Variants in SPIDR observed in about 807,000 individuals in gnomAD.
SPIDR encodes scaffold protein involved in DNA repair, also known as DNA repair-scaffolding protein.
Under a neutral mutation model 104.6 loss-of-function variants are expected in SPIDR, and 93 were observed. The ratio of observed to expected loss-of-function variants is 0.89; its 90% CI spans 0.75 to 1.06. SPIDR has a LOEUF of 1.06. SPIDR is among the 50% of genes least tolerant of loss of function. The pLI, the probability that SPIDR is intolerant of heterozygous loss-of-function variation, is 0.00. For synonymous variants in SPIDR, 431 were observed against 416.9 expected (o/e 1.03, Z -0.41); for missense variants, 1,154 against 1,111.2 (o/e 1.04, Z -0.55).
intron 8 of SPIDR, among the ~76,000 whole-genome samples, chr8:47,564,685 A>G (rs989024629): frequency 2.0e-5 from 3 of 150,358 alleles, no homozygotes; most frequent in African/African-American, 7.4e-5. Context: ...GTCTCCAAAA[A>G]GAAAAAAAAA....
chr8:47,628,939 T>G (rs1449169489), intron 10 of SPIDR, among the ~76,000 whole-genome samples: 1 of 152,228 alleles, frequency 6.6e-6, no homozygotes, highest in Non-Finnish European at 1.5e-5. Context: ...ATTGAAAATG[T>G]ATCCTCCATT....
chr8:47,424,033 A>G (rs1253984947), intron 7 of SPIDR, among the ~76,000 whole-genome samples: 2 of 152,200 alleles, frequency 1.3e-5, no homozygotes, highest in African/African-American at 4.8e-5. Flanking sequence ...AGATGAGGAC[A>G]ATGCAGACAC....
chr8:47,339,112 T>C (rs2050271019), intron 5 of SPIDR, among the ~76,000 whole-genome samples: 1 of 152,244 alleles, frequency 6.6e-6, no homozygotes, highest in Admixed American at 6.5e-5. Flanking sequence ...ACATTTCCGT[T>C]TTAAATATCA....
chr8:47,466,183 A>T (rs782584726), intron 8 of SPIDR, among the ~76,000 whole-genome samples: 1 of 152,210 alleles, frequency 6.6e-6, no homozygotes, highest in East Asian at 1.9e-4. Context: ...CCTGATAAAC[A>T]TATACAGAAC....
At chr8:47,285,857 C>A (rs1330645285) in intron 3 of SPIDR, among the ~76,000 whole-genome samples, 1 of 152,108 alleles carries the variant, frequency 6.6e-6, no homozygotes, top group Non-Finnish European at 1.5e-5. Flanking sequence ...GCTCATAACA[C>A]CAGGTGCTAG....
chr8:47,432,094 A>G (rs1159832170), intron 7 of SPIDR, among the ~76,000 whole-genome samples: 1 of 152,192 alleles, frequency 6.6e-6, no homozygotes, highest in Non-Finnish European at 1.5e-5. Flanking sequence ...CACAATCAAT[A>G]CTTTAACAGG....
intron 8 of SPIDR, among the ~76,000 whole-genome samples, chr8:47,538,872 T>G (rs952149484): frequency 7.0e-6 from 1 of 143,422 alleles, no homozygotes; most frequent in Non-Finnish European, 1.5e-5. Context: ...TTTTTTTTTT[T>G]TTTTTTGAGA....
intron 8 of SPIDR, among the ~76,000 whole-genome samples, chr8:47,567,789 T>C (rs1365552084): frequency 6.6e-5 from 9 of 137,016 alleles, no homozygotes; most frequent in African/African-American, 2.2e-4. Flanking sequence ...TCTTTTTTTT[T>C]TTTTTTTTTT....
chr8:47,604,393 G>A (rs139371307), intron 10 of SPIDR, among the ~76,000 whole-genome samples: 266 of 152,340 alleles, frequency 1.7e-3, no homozygotes, highest in Admixed American at 2.7e-3. Context: ...GAGCTGCAGT[G>A]TTTGCTGTGG....
rs755548336 is a variant in SPIDR at position 47,673,949 on chromosome 8, C to T, written c.1685+8C>T. 5.6e-6 allele frequency: 9 copies of T among 1,611,098 alleles called. No individual in the cohort carries two copies. Among genetic ancestry groups the T allele is most frequent in the Non-Finnish European group, 7.6e-6 (9 of 1,177,970 alleles). ...GAAAGTCACCAGAGGAAGGTGAGAACGTGCAGGAATGGCATCCAATTTGCT... is the reference window on the plus strand; with the variant it reads ...GAAAGTCACCAGAGGAAGGTGAGAATGTGCAGGAATGGCATCCAATTTGCT... On this transcript the variant is annotated splice_region_variant and intron_variant, in intron 11 of 19. Coordinates refer to ENST00000297423, the MANE Select transcript of SPIDR (RefSeq NM_001080394.4).
intron 11 of SPIDR, among the ~76,000 whole-genome samples, chr8:47,681,666 T>G (rs984489294): frequency 1.3e-5 from 2 of 152,194 alleles, no homozygotes; most frequent in Admixed American, 6.5e-5. Flanking sequence ...CTCTAAGGCT[T>G]CAACTGTTTC....
At chr8:47,651,410 C>G (rs1397609252) in intron 10 of SPIDR, among the ~76,000 whole-genome samples, 1 of 152,044 alleles carries the variant, frequency 6.6e-6, no homozygotes, top group Non-Finnish European at 1.5e-5. Context: ...AGCACCTTAC[C>G]CCCTCAAGAA....
chr8:47,542,080 T>C (rs2088287492), intron 8 of SPIDR, among the ~76,000 whole-genome samples: 1 of 152,002 alleles, frequency 6.6e-6, no homozygotes, highest in African/African-American at 2.4e-5. Context: ...CCTGATCAAA[T>C]GAAGGTCTAC....
At chr8:47,437,060 C>T (rs558103809) in intron 7 of SPIDR, among the ~76,000 whole-genome samples, 54 of 152,142 alleles carry the variant, frequency 3.5e-4, no homozygotes, top group Non-Finnish European at 6.5e-4. Context: ...GATCAAAATT[C>T]ATAGTTACTG....
chr8:47,514,725 G>A (rs1304114600), intron 8 of SPIDR, among the ~76,000 whole-genome samples: 1 of 152,098 alleles, frequency 6.6e-6, no homozygotes, highest in Admixed American at 6.6e-5. Context: ...TAAGTATTTA[G>A]GTGACTGATA....
intron 8 of SPIDR, among the ~76,000 whole-genome samples, chr8:47,473,276 A>G (rs2075926603): frequency 6.6e-6 from 1 of 152,228 alleles, no homozygotes; most frequent in African/African-American, 2.4e-5. Context: ...CACATGTCCC[A>G]GCTAGAATGA....
At chr8:47,729,072 C>G in intron 18 of SPIDR, 25 bp downstream of exon 18, 3 of 1,611,996 alleles carry the variant, frequency 1.9e-6, no homozygotes, top group East Asian at 2.2e-5. Flanking sequence ...AGAGCACGCA[C>G]GCACTCCTAG....
intron 7 of SPIDR, among the ~76,000 whole-genome samples, chr8:47,427,094 A>T (rs1473618095): frequency 6.6e-6 from 1 of 152,142 alleles, no homozygotes; most frequent in African/African-American, 2.4e-5. Flanking sequence ...AGAGAAACTG[A>T]AATCATATAC....
At chr8:47,728,430 G>A (rs1019955157) in intron 17 of SPIDR, among the ~76,000 whole-genome samples, 7 of 151,814 alleles carry the variant, frequency 4.6e-5, no homozygotes, top group African/African-American at 1.7e-4. Context: ...GAGAGAGAGC[G>A]AGACTCCATC....
Sources: allele counts gnomAD v4.1 joint callset (sites outside exome capture counted in the v4.1 genomes callset), GRCh38; gene constraint gnomAD v4.1.1; transcripts MANE v1.5; gene names NCBI Gene and HGNC (gene_info 2026-07-23, HGNC 2026-07-21).